DDB2: variants seen among roughly 807,000 people sequenced by gnomAD.
DDB2 encodes the protein damage specific DNA binding protein 2, also known as DNA damage-binding protein 2.
Under a neutral mutation model 50.5 loss-of-function variants are expected in DDB2, and 27 were observed. That is an observed-to-expected ratio of 0.53 (90% CI 0.39 to 0.74). The LOEUF (loss-of-function observed/expected upper bound fraction) is 0.74, where lower values mean the gene tolerates loss of function less well. DDB2 is among the 30% of genes least tolerant of loss of function. The pLI, the probability that DDB2 is intolerant of heterozygous loss-of-function variation, is 0.00. For synonymous variants in DDB2, 176 were observed against 205.5 expected, an observed-to-expected ratio of 0.86 and a Z score of 1.23; for missense variants, 424 against 545.6, an observed-to-expected ratio of 0.78 and a Z score of 2.22.
intron 3 of DDB2, among the ~76,000 whole-genome samples, chr11:47,222,889 C>A (rs2135493263): frequency 6.6e-6 from 1 of 152,260 alleles, no homozygotes; most frequent in South Asian, 2.1e-4. Context: ...CACATATTGT[C>A]ATTTCCAGTG....
chr11:47,237,247 T>A (rs114570667), intron 7 of DDB2, among the ~76,000 whole-genome samples: 359 of 152,286 alleles, frequency 2.4e-3, no homozygotes, highest in African/African-American at 8.2e-3. Flanking sequence ...TTAAAACGTT[T>A]ACCAGTTGGT....
At chr11:47,216,634 G>A (rs1447572630) in intron 2 of DDB2, among the ~76,000 whole-genome samples, 162 bp downstream of exon 2, 1 of 152,190 alleles carries the variant, frequency 6.6e-6, no homozygotes, top group Non-Finnish European at 1.5e-5. Context: ...GGTAAAAAAT[G>A]TCTTATGTTG....
Position 47,238,000 on chromosome 11 carries a change from C to T in DDB2, c.1187C>T (p.Ser396Leu), listed in dbSNP as rs781655324. ...GACCCAGAATCTTCTGGCATCAGTT[C>T]GGTGAGGCTTGGGTCCTCAAATAAT... ...LYDPESSGIS[S>L]LNEFNPMGDT... The change falls in exon 8 of 10, where the codon TCG becomes TTG. Residue 396 changes from serine (S) to leucine (L), a missense_variant and splice_region_variant. Transcript: ENST00000256996. The T allele has an allele frequency of 2.5e-6, 4 of 1,614,010 alleles. No individual in the cohort carries two copies. Among genetic ancestry groups the T allele is most frequent in the South Asian group, 2.2e-5 (2 of 91,070 alleles).
intron 3 of DDB2, among the ~76,000 whole-genome samples, chr11:47,228,138 C>CAAAAAAAA (rs35908583): frequency 1.7e-5 from 1 of 57,464 alleles, no homozygotes; most frequent in Non-Finnish European, 3.4e-5. Context: ...GGCTCTGTCT[C>CAAAAAAAA]AAAAAAAAAA....
intron 3 of DDB2, among the ~76,000 whole-genome samples, chr11:47,227,403 G>A (rs971363975): frequency 2.0e-5 from 3 of 151,834 alleles, no homozygotes; most frequent in South Asian, 2.1e-4. Flanking sequence ...CACTGCGCCC[G>A]GCCATGATAT....
rs1476075532 is a variant in DDB2, at chr11:47,215,087, C to T, written c.-50C>T. On this transcript the variant is annotated 5_prime_UTR_variant, in exon 1 of 10. Transcript: ENST00000256996. ...TCTCCCCAGAGGCCTCTCAATCCTC[C>T]CTCCATGATCTTCGCATAGAGCACA... The T allele has an allele frequency of 1.2e-6, 2 of 1,613,658 alleles. No homozygotes were observed. Among genetic ancestry groups the T allele is most frequent in the Middle Eastern group, 1.7e-4 (1 of 6,058 alleles).
intron 1 of DDB2, chr11:47,215,591 C>T (rs906657172): frequency 2.1e-5 from 8 of 383,644 alleles, no homozygotes; most frequent in Admixed American, 7.4e-5. Flanking sequence ...TTCATAGTCA[C>T]GCTTGTTAGC....
rs1042091902 is a variant in DDB2, at chr11:47,239,034, C to G, written c.*185C>G. 6 of 603,264 alleles carry G rather than the reference C, an allele frequency of 9.9e-6. No homozygotes were observed. In the African/African-American group the frequency reaches 1.1e-4, roughly 11 times the overall value. 37.4% of individuals were successfully genotyped at this position (603,264 alleles called of 1,614,324 possible). A position where few individuals can be genotyped will look rare whatever the true frequency, so the allele number is the denominator to read the frequency against. On this transcript the variant is annotated 3_prime_UTR_variant, in exon 10 of 10. Transcript: ENST00000256996. ...TTTTATGTTAATGCTCTGGACTTGC[C>G]TCCAGAGACTGCTCCAGAGTTGGTG...
chr11:47,228,991 A>ATCTATCTATCTG (rs1953604087), intron 3 of DDB2, among the ~76,000 whole-genome samples: 1 of 149,174 alleles, frequency 6.7e-6, no homozygotes, highest in Non-Finnish European at 1.5e-5. Context: ...CTATCTATCT[A>ATCTATCTATCTG]TCTATCTATC....
intron 6 of DDB2, 47 bp downstream of exon 6, chr11:47,234,981 AC>A: frequency 6.2e-7 from 1 of 1,603,022 alleles, no homozygotes; most frequent in Non-Finnish European, 8.5e-7. Flanking sequence ...TGCCTGTCTG[AC>A]CACTGCTGGG....
intron 2 of DDB2, among the ~76,000 whole-genome samples, 193 bp downstream of exon 2, chr11:47,216,665 C>T (rs1953404547): frequency 6.6e-6 from 1 of 152,206 alleles, no homozygotes; most frequent in Non-Finnish European, 1.5e-5. Context: ...AGCTGGAATG[C>T]ACTCTGCCCC....
At chr11:47,216,162 C>A in intron 1 of DDB2, 174 bp from the exon 2 acceptor site, 2 of 960,684 alleles carry the variant, frequency 2.1e-6, no homozygotes, top group Non-Finnish European at 1.7e-6. Flanking sequence ...GCCAAATCCT[C>A]ACTCATTTTT....
rs1332969356 is a variant in DDB2, at chr11:47,216,917, C to G, written c.324C>G (p.Ala108=). Residue 108 remains alanine (A), a synonymous_variant, in exon 3 of 10, where the codon GCC becomes GCG. Coordinates refer to ENST00000256996, the MANE Select transcript of DDB2 (RefSeq NM_000107.3). ...LDSYRILQKA[A]PFDRRATSLA... Reference sequence around the variant, plus strand: ...CTTACCGGATATTACAAAAGGCTGCCCCCTTTGACAGGAGGGCTACATCCT... The same window carrying G: ...CTTACCGGATATTACAAAAGGCTGCGCCCTTTGACAGGAGGGCTACATCCT... The G allele has an allele frequency of 6.2e-7, 1 of 1,613,994 alleles. No individual in the cohort carries two copies. Among genetic ancestry groups the G allele is most frequent in the Admixed American group, 1.7e-5 (1 of 59,982 alleles).
rs189914437 is a variant in DDB2, at chr11:47,232,089, A to G, written c.457-725A>G. Among the ~76,000 whole-genome samples, 9 of 152,294 alleles carry G rather than the reference A, an allele frequency of 5.9e-5. No individual in the cohort carries two copies. The East Asian group carries it at 1.7e-3, about 29-fold the overall frequency. ...CGGGGCACGGTGGCTCACGCCTGTA[A>G]TCCCAGCACTTTGGGAGGCCAAGGG... On this transcript the variant is annotated intron_variant, in intron 3 of 9. Coordinates refer to ENST00000256996, the MANE Select transcript of DDB2 (RefSeq NM_000107.3).
chr11:47,233,086 C>T (rs916109335), intron 4 of DDB2, 127 bp downstream of exon 4: 67 of 1,149,390 alleles, frequency 5.8e-5, no homozygotes, highest in South Asian at 6.2e-5. Context: ...AGCCACTTTC[C>T]GCCCTTCTTT....
chr11:47,233,331 C>G, intron 4 of DDB2: 2 of 339,982 alleles, frequency 5.9e-6, no homozygotes, highest in Admixed American at 3.9e-5. Flanking sequence ...ATGACCTGAC[C>G]TGTTCCTGGG....
chr11:47,230,285 G>C (rs1565154928), intron 3 of DDB2, among the ~76,000 whole-genome samples: 1 of 152,074 alleles, frequency 6.6e-6, no homozygotes, highest in Non-Finnish European at 1.5e-5. Context: ...TGAACTCCTG[G>C]CCTTAAGCGA....
At chr11:47,217,715 C>T (rs1169034936) in intron 3 of DDB2, among the ~76,000 whole-genome samples, 1 of 151,994 alleles carries the variant, frequency 6.6e-6, no homozygotes, top group African/African-American at 2.4e-5. Flanking sequence ...CATGGTGAAA[C>T]CCCGTCTCTA....
At chr11:47,216,155 A>C (rs1953397034) in intron 1 of DDB2, 181 bp from the exon 2 acceptor site, 1 of 927,934 alleles carries the variant, frequency 1.1e-6, no homozygotes, top group Non-Finnish European at 1.8e-6. Flanking sequence ...GGAAGGGGCC[A>C]AATCCTCACT....
Sources: gnomAD v4.1 joint callset for allele counts (sites outside exome capture counted in the v4.1 genomes callset) on GRCh38, gnomAD v4.1.1 for gene constraint, MANE v1.5 for transcripts, NCBI Gene and HGNC (gene_info 2026-07-23, HGNC 2026-07-21) for gene names.